Variants in ZMYM2 observed in about 807,000 individuals in gnomAD.
ZMYM2 encodes zinc finger MYM-type containing 2, also known as zinc finger MYM-type protein 2.
Under a neutral mutation model 162.8 loss-of-function variants are expected in ZMYM2, and 56 were observed. That is an observed-to-expected ratio of 0.34 (90% CI 0.28 to 0.43). The LOEUF (loss-of-function observed/expected upper bound fraction) is 0.43, where lower values mean the gene tolerates loss of function less well. Among genes scored for constraint, ZMYM2 ranks in the 20% least tolerant of loss-of-function variants. The pLI is 1.00. For synonymous variants in ZMYM2, 510 were observed against 541.6 expected, an observed-to-expected ratio of 0.94 and a Z score of 0.81; for missense variants, 1,275 against 1,621.8, an observed-to-expected ratio of 0.79 and a Z score of 3.67.
intron 2 of ZMYM2, among the ~76,000 whole-genome samples, chr13:19,960,517 G>T (rs1955090921): frequency 6.6e-6 from 1 of 152,134 alleles, no homozygotes; most frequent in Non-Finnish European, 1.5e-5. Flanking sequence ...TGGCTCATGA[G>T]TTGCTAGATC....
At chr13:20,013,506 G>A (rs1224893767) in intron 6 of ZMYM2, among the ~76,000 whole-genome samples, 2 of 152,224 alleles carry the variant, frequency 1.3e-5, no homozygotes, top group Admixed American at 1.3e-4. Flanking sequence ...GGGCGTCCTT[G>A]TTGCTGATCT....
At chr13:19,892,212 G>A in the ZMYM2 span, among the ~76,000 whole-genome samples, 5 of 151,582 alleles carry the variant, frequency 3.3e-5, no homozygotes, top group Non-Finnish European at 7.4e-5. Context: ...CAAAGTGCTG[G>A]GATTACGAGT....
At chr13:20,060,960 T>G in intron 16 of ZMYM2, 93 bp from the exon 17 acceptor site, 2 of 1,241,708 alleles carry the variant, frequency 1.6e-6, no homozygotes, top group Non-Finnish European at 2.2e-6. Context: ...AGTGTGATAT[T>G]ACAAAGTAGA....
At chr13:19,976,422 AAAAC>A (rs1323020561) in intron 2 of ZMYM2, among the ~76,000 whole-genome samples, 2 of 152,060 alleles carry the variant, frequency 1.3e-5, no homozygotes, top group African/African-American at 4.8e-5. Context: ...AAATTGTAAA[AAAAC>A]AACATAAAAT....
At chr13:19,955,921 T>C (rs1954502463), upstream of ZMYM2, among the ~76,000 whole-genome samples, 1 of 152,254 alleles carries the variant, frequency 6.6e-6, no homozygotes, top group Non-Finnish European at 1.5e-5. Context: ...CTCTTGGATG[T>C]CTGGTATGCT....
chr13:19,891,082 G>T, the ZMYM2 span, among the ~76,000 whole-genome samples: 1 of 151,854 alleles, frequency 6.6e-6, no homozygotes, highest in Non-Finnish European at 1.5e-5. Context: ...TTACGTTGAA[G>T]CCCTGACACC....
At chr13:19,898,029 A>G in the ZMYM2 span, among the ~76,000 whole-genome samples, 1 of 152,184 alleles carries the variant, frequency 6.6e-6, no homozygotes, top group African/African-American at 2.4e-5. Context: ...CTGCTCAACA[A>G]CAGCAGAATA....
intron 2 of ZMYM2, among the ~76,000 whole-genome samples, chr13:19,977,101 G>A (rs1252235438): frequency 2.0e-5 from 3 of 152,040 alleles, no homozygotes; most frequent in African/African-American, 7.2e-5. Flanking sequence ...ATTCTCATTT[G>A]GTTAATATTT....
chr13:19,877,762 G>A, the ZMYM2 span, among the ~76,000 whole-genome samples: 1 of 152,140 alleles, frequency 6.6e-6, no homozygotes, highest in Non-Finnish European at 1.5e-5. Context: ...TCCACTGTAT[G>A]TATGTACCAC....
At chr13:19,999,714 C>T (rs991971358) in intron 3 of ZMYM2, among the ~76,000 whole-genome samples, 8 of 152,268 alleles carry the variant, frequency 5.3e-5, no homozygotes, top group African/African-American at 1.4e-4. Context: ...GCCTCTTGAA[C>T]CAAACAGCCA....
the ZMYM2 span, among the ~76,000 whole-genome samples, chr13:19,917,723 T>C: frequency 6.6e-6 from 1 of 152,184 alleles, no homozygotes. Flanking sequence ...GATAGTTGTC[T>C]CCACTGTGCT....
chr13:20,014,279 G>A (rs1951432657), intron 6 of ZMYM2, among the ~76,000 whole-genome samples: 2 of 152,160 alleles, frequency 1.3e-5, no homozygotes, highest in Non-Finnish European at 2.9e-5. Flanking sequence ...TCACCATGTT[G>A]GCCAGAATGG....
At chr13:20,041,964 C>G (rs1954292667) in intron 12 of ZMYM2, among the ~76,000 whole-genome samples, 1 of 152,130 alleles carries the variant, frequency 6.6e-6, no homozygotes, top group Non-Finnish European at 1.5e-5. Context: ...GGTGACCTGA[C>G]CTTTCTCTCT....
At chr13:20,031,878 T>TC (rs1322377329) in intron 10 of ZMYM2, among the ~76,000 whole-genome samples, 142 of 149,332 alleles carry the variant, frequency 9.5e-4, no homozygotes, top group African/African-American at 3.5e-3. Flanking sequence ...TTTTTTTTTT[T>TC]TTTTCTTTTT....
chr13:19,952,737 A>G, the ZMYM2 span, among the ~76,000 whole-genome samples: 1 of 152,138 alleles, frequency 6.6e-6, no homozygotes, highest in Non-Finnish European at 1.5e-5. Context: ...GGGATCCCAA[A>G]GGATGAGAAG....
chr13:20,064,997 T>C (rs1956563103), intron 19 of ZMYM2, among the ~76,000 whole-genome samples: 1 of 152,080 alleles, frequency 6.6e-6, no homozygotes, highest in African/African-American at 2.4e-5. Context: ...ATCAGTGGGG[T>C]TGAAGTACAC....
At chr13:19,901,980 G>A in the ZMYM2 span, among the ~76,000 whole-genome samples, 1,322 of 151,982 alleles carry the variant, frequency 8.7e-3, 24 homozygotes, top group African/African-American at 0.031. Flanking sequence ...TTAGATAGAG[G>A]GTCTTGTTGT....
chr13:20,026,028 G>C (rs1202882378), intron 7 of ZMYM2: 1 of 152,062 alleles, frequency 6.6e-6, no homozygotes, highest in East Asian at 1.9e-4. Flanking sequence ...ATAGCCAGAA[G>C]TCATTTTGAA....
chr13:20,035,061 GCTT>G (rs1373193772), intron 11 of ZMYM2, among the ~76,000 whole-genome samples: 2 of 152,098 alleles, frequency 1.3e-5, no homozygotes, highest in African/African-American at 2.4e-5. Context: ...CTCTAAGCTG[GCTT>G]TCACTTTCTA....
Sources: allele counts gnomAD v4.1 joint callset (sites outside exome capture counted in the v4.1 genomes callset), GRCh38; gene constraint gnomAD v4.1.1; transcripts MANE v1.5; gene names NCBI Gene and HGNC (gene_info 2026-07-23, HGNC 2026-07-21).